OSBPL10: variants seen among roughly 807,000 people sequenced by gnomAD.
OSBPL10 encodes oxysterol binding protein like 10.
Under a neutral mutation model 81.7 loss-of-function variants are expected in OSBPL10, and 49 were observed. That is an observed-to-expected ratio of 0.60 (90% CI 0.48 to 0.76). OSBPL10 has a LOEUF of 0.76. Ranked by LOEUF, OSBPL10 falls within the 30% of genes least tolerant of loss-of-function variation. The pLI is 0.00. For missense variants in OSBPL10, 923 were observed against 987.8 expected (o/e 0.93, Z 0.88); for synonymous variants, 419 against 383.6 (o/e 1.09, Z -1.08).
At chr3:31,913,279 C>T (rs978139949) in intron 1 of OSBPL10, among the ~76,000 whole-genome samples, 15 of 150,386 alleles carry the variant, frequency 1.0e-4, no homozygotes, top group Admixed American at 4.0e-4. Context: ...GATGGAGTCT[C>T]TCTCTGTCGC....
intron 1 of OSBPL10, among the ~76,000 whole-genome samples, chr3:32,074,021 A>G (rs1002795670): frequency 6.6e-6 from 1 of 152,022 alleles, no homozygotes; most frequent in South Asian, 2.1e-4. Flanking sequence ...CTTTGTCCTC[A>G]CTGCCGCCAA....
rs113942298 is a variant in OSBPL10 at position 31,992,723 on chromosome 3, G to T, written n.298+53768C>A. ...AACAAACAAACCTTGGCCAGGCATGGTGACTCATGCCTGTAATCCCAGCAC... is the reference window on the plus strand; with the variant it reads ...AACAAACAAACCTTGGCCAGGCATGTTGACTCATGCCTGTAATCCCAGCAC... On this transcript the variant is annotated intron_variant and non_coding_transcript_variant, in intron 2 of 3. Coordinates refer to the OSBPL10 transcript ENST00000479173. Among the ~76,000 whole-genome samples the T allele has an allele frequency of 9.2e-3, 1,404 of 152,324 alleles. 26 individuals are homozygous for T. The highest frequency in any genetic ancestry group is 0.032 in the African/African-American group (1,323 of 41,572).
Position 31,684,020 on chromosome 3 carries a change from G to A in OSBPL10, c.1340C>T (p.Ala447Val). 4 of 1,614,268 alleles carry A rather than the reference G, an allele frequency of 2.5e-6. No homozygotes were observed. Among genetic ancestry groups the A allele is most frequent in the Non-Finnish European group, 3.4e-6 (4 of 1,180,054 alleles). Residue 447 changes from alanine (A) to valine (V), a missense_variant, in exon 8 of 12, where the codon GCT becomes GTT. Coordinates refer to ENST00000396556, the MANE Select transcript of OSBPL10 (RefSeq NM_017784.5). ...AHPDLLLAIT[A>V]GATPEERVIC... is the part of the protein sequence containing the mutation. ...GACTCTCTCCTCTGGTGTGGCCCCAGCGGTGATGGCCAGCAGTAGGTCTGG... is the reference window on the plus strand; with the variant it reads ...GACTCTCTCCTCTGGTGTGGCCCCAACGGTGATGGCCAGCAGTAGGTCTGG...
chr3:31,971,686 G>C (rs1447865061), intron 1 of OSBPL10, among the ~76,000 whole-genome samples: 1 of 152,166 alleles, frequency 6.6e-6, no homozygotes, highest in African/African-American at 2.4e-5. Flanking sequence ...ACTTGCATAA[G>C]AAATCTAAGT....
intron 4 of OSBPL10, among the ~76,000 whole-genome samples, chr3:31,773,730 A>G (rs1448710139): frequency 6.6e-6 from 1 of 152,218 alleles, no homozygotes; most frequent in Admixed American, 6.5e-5. Flanking sequence ...GTCATGCTTC[A>G]TCATGCAGTA....
chr3:31,810,953 AC>A (rs1289797466), intron 4 of OSBPL10, among the ~76,000 whole-genome samples: 1 of 152,118 alleles, frequency 6.6e-6, no homozygotes, highest in African/African-American at 2.4e-5. Flanking sequence ...AATTAGAAAC[AC>A]CCTAAATTGT....
intron 3 of OSBPL10, among the ~76,000 whole-genome samples, chr3:31,848,121 G>A (rs970372732): frequency 6.6e-6 from 1 of 152,118 alleles, no homozygotes; most frequent in African/African-American, 2.4e-5. Context: ...GCAGAATCAG[G>A]CTTGACTTCA....
At chr3:32,008,861 A>T (rs1034698383) in intron 2 of OSBPL10, among the ~76,000 whole-genome samples, 1 of 151,390 alleles carries the variant, frequency 6.6e-6, no homozygotes, top group African/African-American at 2.5e-5. Context: ...GAGATTTTTT[A>T]AAAGTAAATT....
chr3:32,005,230 C>G (rs1699192669), intron 2 of OSBPL10, among the ~76,000 whole-genome samples: 1 of 151,978 alleles, frequency 6.6e-6, no homozygotes, highest in Non-Finnish European at 1.5e-5. Flanking sequence ...CTCCCCTTGC[C>G]CCCTATCCCC....
At chr3:31,930,496 G>T (rs972019042) in intron 1 of OSBPL10, among the ~76,000 whole-genome samples, 1 of 152,100 alleles carries the variant, frequency 6.6e-6, no homozygotes, top group Non-Finnish European at 1.5e-5. Context: ...GCACATGCGA[G>T]AAAGTATGTA....
chr3:31,810,411 C>G (rs1254719797), intron 4 of OSBPL10, among the ~76,000 whole-genome samples: 1 of 151,770 alleles, frequency 6.6e-6, no homozygotes, highest in African/African-American at 2.4e-5. Flanking sequence ...AAACAATAAT[C>G]TTAGAGTGAA....
chr3:31,839,415 C>T (rs1165348481), intron 3 of OSBPL10, among the ~76,000 whole-genome samples: 2 of 152,134 alleles, frequency 1.3e-5, no homozygotes, highest in Non-Finnish European at 2.9e-5. Context: ...ACAAATATTC[C>T]TGTCCTCACA....
intron 4 of OSBPL10, among the ~76,000 whole-genome samples, chr3:31,783,097 TA>T: frequency 7.0e-6 from 1 of 142,846 alleles, no homozygotes; most frequent in South Asian, 2.2e-4. Flanking sequence ...GATATATCTA[TA>T]TCAATATATC....
intron 1 of OSBPL10, among the ~76,000 whole-genome samples, chr3:31,955,827 T>G (rs1211072254): frequency 6.6e-6 from 1 of 152,168 alleles, no homozygotes; most frequent in African/African-American, 2.4e-5. Context: ...GCAGACACAC[T>G]CATGCAAGAT....
intron 7 of OSBPL10, among the ~76,000 whole-genome samples, chr3:31,688,445 C>CT: frequency 6.6e-6 from 1 of 152,202 alleles, no homozygotes; most frequent in East Asian, 1.9e-4. Flanking sequence ...GCAACAACCC[C>CT]TCTCTCCTAT....
intron 4 of OSBPL10, among the ~76,000 whole-genome samples, chr3:31,775,960 A>G (rs72859692): frequency 0.032 from 4,803 of 152,194 alleles, 266 homozygotes; most frequent in African/African-American, 0.11. Context: ...AAGGAGCACA[A>G]TGAAAGGGTC....
chr3:31,710,569 C>T (rs1696221852), intron 6 of OSBPL10: 1 of 152,224 alleles, frequency 6.6e-6, no homozygotes, highest in Non-Finnish European at 1.5e-5. Context: ...AGAGAACTTT[C>T]AAATATGTCT....
chr3:32,005,028 T>A (rs35658705), intron 2 of OSBPL10, among the ~76,000 whole-genome samples: 1,589 of 152,332 alleles, frequency 0.01, 10 homozygotes, highest in Middle Eastern at 0.048. Flanking sequence ...TATCACACCG[T>A]AGATCTTAAT....
intron 1 of OSBPL10, among the ~76,000 whole-genome samples, chr3:31,951,429 C>A (rs1051668107): frequency 6.6e-6 from 1 of 151,742 alleles, no homozygotes; most frequent in Non-Finnish European, 1.5e-5. Context: ...GAATGATGAA[C>A]TTGAAACTCA....
Sources: gnomAD v4.1 joint callset for allele counts (sites outside exome capture counted in the v4.1 genomes callset) on GRCh38, gnomAD v4.1.1 for gene constraint, MANE v1.5 for transcripts, NCBI Gene and HGNC (gene_info 2026-07-23, HGNC 2026-07-21) for gene names.